The following MYH11 variants were observed in gnomAD, a reference collection of about 807,000 sequenced individuals.
The protein encoded by MYH11 is myosin heavy chain 11.
Under a neutral mutation model 246.6 loss-of-function variants are expected in MYH11, and 80 were observed. The observed-to-expected ratio is 0.32, with a 90% CI of 0.27 to 0.39. The LOEUF (loss-of-function observed/expected upper bound fraction) is 0.39. Among genes scored for constraint, MYH11 ranks in the 10% least tolerant of loss-of-function variants. The pLI is 1.00. For synonymous variants in MYH11, 1,071 were observed against 1,015.5 expected, an observed-to-expected ratio of 1.05 and a Z score of -1.04; for missense variants, 2,158 against 2,546.8, an observed-to-expected ratio of 0.85 and a Z score of 3.29.
intron 3 of MYH11, among the ~76,000 whole-genome samples, chr16:15,808,942 G>A (rs9302520): frequency 0.054 from 8,232 of 152,088 alleles, 768 homozygotes; most frequent in African/African-American, 0.19. Flanking sequence ...GCCAGTGAAG[G>A]GGTGTAGGAG....
chr16:15,789,894 A>G (rs2042568264), intron 4 of MYH11, among the ~76,000 whole-genome samples: 1 of 152,060 alleles, frequency 6.6e-6, no homozygotes, highest in South Asian at 2.1e-4. Flanking sequence ...TGTGTGGATC[A>G]CACTCTTCAT....
Position 15,703,890 on chromosome 16 carries a change from CT to C in MYH11, c.*100del. 1.4e-6 allele frequency: 2 copies of C among 1,473,914 alleles called. No homozygotes were observed. The highest frequency in any genetic ancestry group is 1.9e-6 in the Non-Finnish European group (2 of 1,056,428). The allele number at this position is 1,473,914 out of a possible 1,614,324, so 91.3% of individuals were successfully genotyped here. A position where few individuals can be genotyped will look rare whatever the true frequency, so the allele number is the denominator to read the frequency against. On this transcript the variant is annotated 3_prime_UTR_variant, in exon 41 of 41. Transcript: ENST00000300036. ...GGATTTAGACAATGCTAAGTACAGT[CT>C]GCTGGGTTTTGCTTTGTTCTGGGTT... is the stretch of plus-strand genomic sequence containing the variant.
chr16:15,780,700 C>G (rs2042333032), intron 6 of MYH11, among the ~76,000 whole-genome samples: 1 of 152,034 alleles, frequency 6.6e-6, no homozygotes, highest in South Asian at 2.1e-4. Context: ...CCAGGCTGGT[C>G]TCAAACTCCT....
chr16:15,837,537 C>CGTT (rs2043930206), intron 2 of MYH11, among the ~76,000 whole-genome samples: 1 of 63,094 alleles, frequency 1.6e-5, no homozygotes, highest in African/African-American at 8.6e-5. Flanking sequence ...CCTCCCATTT[C>CGTT]CTTTTTTTTT....
At chr16:15,749,371 G>GCCTGGGCCCTCTGCTTAT (rs2041504577) in intron 16 of MYH11, 1 of 152,144 alleles carries the variant, frequency 6.6e-6, no homozygotes, top group Admixed American at 6.6e-5. Flanking sequence ...CTCTTGCTTA[G>GCCTGGGCCCTCTGCTTAT]CCTGGGCCCT....
chr16:15,819,681 T>C (rs1490070444), intron 3 of MYH11, among the ~76,000 whole-genome samples: 1 of 152,178 alleles, frequency 6.6e-6, no homozygotes, highest in Admixed American at 6.5e-5. Context: ...ATGATTTCAT[T>C]ATATATGACA....
In MYH11 at chr16:15,837,994, C is replaced by T. The variant is rs1488968785; in HGVS notation, c.259G>A (p.Val87Met). 2 of 1,614,084 alleles carry T rather than the reference C, an allele frequency of 1.2e-6. No individual in the cohort carries two copies. The highest frequency in any genetic ancestry group is 2.7e-5 in the African/African-American group (2 of 74,930). ...CACGTCAGCTCCGCCATGTCCTCCA[C>T]CTTGGAGAACTTGGGTGGGTTCATC... ...QKMNPPKFSK[V>M]EDMAELTCLN... The change falls in exon 2 of 41, where the codon GTG becomes ATG. Residue 87 changes from valine (V) to methionine (M), a missense_variant. Physicochemically the swap from Val to Met is conservative, Grantham distance 21. This residue lies in a region of MYH11 where 36 missense variants were observed against 73.9 expected (regional missense o/e 0.49). Coordinates refer to ENST00000300036, the MANE Select transcript of MYH11 (RefSeq NM_002474.3).
rs565708144 is a variant in MYH11, at chr16:15,796,087, C to T, written c.530+2573G>A. On this transcript the variant is annotated intron_variant, in intron 4 of 40. Transcript: ENST00000300036. ...CTACAGAGGCCCTGGTGAGAGGTGA[C>T]GGGACCCTGAACTAGGAAGAGGCGG... Among the ~76,000 whole-genome samples, 21 of 152,164 alleles carry T rather than the reference C, an allele frequency of 1.4e-4. No individual in the cohort carries two copies. In the East Asian group the frequency reaches 2.3e-3, roughly 17 times the overall value.
intron 12 of MYH11, among the ~76,000 whole-genome samples, chr16:15,759,071 G>A (rs764215870): frequency 4.6e-5 from 7 of 152,014 alleles, no homozygotes; most frequent in Non-Finnish European, 7.4e-5. Context: ...ACTACATGAG[G>A]TATTGCAAGC....
intron 40 of MYH11, among the ~76,000 whole-genome samples, chr16:15,706,909 ACT>A (rs765370761): frequency 2.8e-4 from 42 of 152,174 alleles, no homozygotes; most frequent in Admixed American, 1.2e-3. Context: ...CCTGCAAGAT[ACT>A]CTGTTTTGGC....
intron 4 of MYH11, among the ~76,000 whole-genome samples, chr16:15,786,967 C>T (rs2042484738): frequency 6.6e-6 from 1 of 152,150 alleles, no homozygotes. Flanking sequence ...GAAAAGAATT[C>T]AGATACAAAG....
chr16:15,823,033 C>G (rs1490018445), intron 3 of MYH11, among the ~76,000 whole-genome samples: 1 of 152,284 alleles, frequency 6.6e-6, no homozygotes, highest in East Asian at 1.9e-4. Flanking sequence ...GGAGCTGGAG[C>G]TGGAGCGGGC....
chr16:15,767,344 G>C (rs1416323588), intron 9 of MYH11, among the ~76,000 whole-genome samples: 5 of 152,150 alleles, frequency 3.3e-5, no homozygotes, highest in Admixed American at 1.3e-4. Context: ...GTGAAGTTTA[G>C]GTCTTGTAAG....
intron 40 of MYH11, among the ~76,000 whole-genome samples, chr16:15,710,803 G>A (rs372263672): frequency 1.3e-5 from 2 of 152,032 alleles, no homozygotes; most frequent in South Asian, 4.2e-4. Context: ...TCAGCCTCAC[G>A]AGTAGCTGGG....
intron 2 of MYH11, among the ~76,000 whole-genome samples, chr16:15,826,312 G>C (rs922351363): frequency 6.6e-6 from 1 of 152,142 alleles, no homozygotes; most frequent in African/African-American, 2.4e-5. Context: ...GTCTGGCTGG[G>C]TGTGGTGGCT....
At chr16:15,772,154 C>T (rs2042117881) in intron 8 of MYH11, among the ~76,000 whole-genome samples, 1 of 141,782 alleles carries the variant, frequency 7.1e-6, no homozygotes, top group Non-Finnish European at 1.5e-5. Flanking sequence ...TGCAGTGGCG[C>T]GATCTCGGCT....
At chr16:15,835,804 A>T (rs2151379361) in intron 2 of MYH11, among the ~76,000 whole-genome samples, 1 of 147,468 alleles carries the variant, frequency 6.8e-6, no homozygotes, top group South Asian at 2.1e-4. Flanking sequence ...CCCAGGCTAG[A>T]GTGCAGTGGC....
intron 5 of MYH11, chr16:15,782,805 G>A: frequency 2.8e-6 from 1 of 359,666 alleles, no homozygotes; most frequent in Non-Finnish European, 5.4e-6. Context: ...CATGATGAAT[G>A]GTGCCCCCCG....
At chr16:15,715,383 C>T in intron 38 of MYH11, 111 bp from the exon 39 acceptor site, 1 of 937,520 alleles carries the variant, frequency 1.1e-6, no homozygotes, top group Non-Finnish European at 1.7e-6. Context: ...CGTATCTGGA[C>T]TCCTCTCAAG....
Sources: gnomAD v4.1 joint callset for allele counts (sites outside exome capture counted in the v4.1 genomes callset) on GRCh38, gnomAD v4.1.1 for gene constraint, gnomAD v4.1.1 regional missense constraint, MANE v1.5 for transcripts, NCBI Gene and HGNC (gene_info 2026-07-23, HGNC 2026-07-21) for gene names.